Variants in SLC24A3 observed in about 807,000 individuals in gnomAD.
SLC24A3 encodes sodium/potassium/calcium exchanger 3.
Under a neutral mutation model 75.8 loss-of-function variants are expected in SLC24A3, and 28 were observed. The ratio of observed to expected loss-of-function variants is 0.37; its 90% CI spans 0.27 to 0.51. The LOEUF (loss-of-function observed/expected upper bound fraction) is 0.51. Ranked by LOEUF, SLC24A3 falls within the 20% of genes least tolerant of loss-of-function variation. The pLI is 0.94. For missense variants in SLC24A3, 663 were observed against 847.8 expected, an observed-to-expected ratio of 0.78 and a Z score of 2.71; for synonymous variants, 372 against 334.1, an observed-to-expected ratio of 1.11 and a Z score of -1.24.
chr20:19,612,422 G>T (rs1352106664), intron 6 of SLC24A3, among the ~76,000 whole-genome samples: 6 of 152,154 alleles, frequency 3.9e-5, no homozygotes, highest in Non-Finnish European at 7.3e-5. Context: ...TTTTTAATGT[G>T]CACAACACAA....
intron 2 of SLC24A3, among the ~76,000 whole-genome samples, chr20:19,398,822 T>C (rs974081577): frequency 9.2e-5 from 14 of 152,202 alleles, no homozygotes; most frequent in African/African-American, 3.1e-4. Context: ...TTCAGAATAA[T>C]TCTGTCTTCA....
intron 2 of SLC24A3, among the ~76,000 whole-genome samples, chr20:19,436,397 A>G (rs1054229551): frequency 2.6e-5 from 4 of 152,212 alleles, no homozygotes; most frequent in African/African-American, 7.2e-5. Flanking sequence ...GATGTGAGAA[A>G]GAACTCCTGC....
chr20:19,549,304 T>C (rs2030653933), intron 3 of SLC24A3, among the ~76,000 whole-genome samples: 1 of 152,210 alleles, frequency 6.6e-6, no homozygotes, highest in African/African-American at 2.4e-5. Flanking sequence ...CTACCATGAC[T>C]GAATTTTAGG....
chr20:19,237,662 T>C (rs1400907206), intron 1 of SLC24A3, among the ~76,000 whole-genome samples: 1 of 152,142 alleles, frequency 6.6e-6, no homozygotes, highest in African/African-American at 2.4e-5. Context: ...GCGTCGTCAT[T>C]GAATGGACAA....
intron 1 of SLC24A3, among the ~76,000 whole-genome samples, chr20:19,225,209 CT>C (rs1447878797): frequency 1.3e-5 from 2 of 152,046 alleles, no homozygotes; most frequent in African/African-American, 4.8e-5. Flanking sequence ...TTTCATCCTT[CT>C]TGTTGGAATT....
At chr20:19,602,023 A>G in intron 6 of SLC24A3, among the ~76,000 whole-genome samples, 1 of 152,110 alleles carries the variant, frequency 6.6e-6, no homozygotes, top group East Asian at 1.9e-4. Context: ...AAATACAAAA[A>G]TTAGCTGGGT....
intron 6 of SLC24A3, among the ~76,000 whole-genome samples, chr20:19,632,479 A>G (rs974628975): frequency 2.0e-5 from 3 of 151,218 alleles, no homozygotes; most frequent in Non-Finnish European, 4.4e-5. Flanking sequence ...CACCTCTCTC[A>G]CTCATCCCTC....
chr20:19,539,717 C>A (rs968684601), intron 3 of SLC24A3, among the ~76,000 whole-genome samples: 1 of 152,150 alleles, frequency 6.6e-6, no homozygotes, highest in Non-Finnish European at 1.5e-5. Context: ...AATCAAGTTT[C>A]ATGTGACACA....
intron 2 of SLC24A3, among the ~76,000 whole-genome samples, chr20:19,482,985 C>T (rs1173186062): frequency 6.6e-6 from 1 of 152,188 alleles, no homozygotes; most frequent in African/African-American, 2.4e-5. Flanking sequence ...GTGGTCTTTC[C>T]CTTTCAGCAC....
intron 13 of SLC24A3, among the ~76,000 whole-genome samples, chr20:19,696,015 CTT>C (rs778046824): frequency 9.3e-6 from 1 of 108,072 alleles, no homozygotes. Context: ...TTTTCCTTTT[CTT>C]TTTTTTTTTT....
chr20:19,695,350 C>T (rs909018033), intron 13 of SLC24A3: 55 of 152,168 alleles, frequency 3.6e-4, no homozygotes, highest in African/African-American at 1.3e-3. Context: ...CCAGTGGCAT[C>T]CTAAAATGAC....
At chr20:19,465,311 A>C (rs2122500042) in intron 2 of SLC24A3, among the ~76,000 whole-genome samples, 1 of 152,036 alleles carries the variant, frequency 6.6e-6, no homozygotes, top group East Asian at 1.9e-4. Flanking sequence ...TAGCCAAGGA[A>C]GTGGACACAG....
chr20:19,319,331 A>G (rs957320011), intron 2 of SLC24A3, among the ~76,000 whole-genome samples: 2 of 152,218 alleles, frequency 1.3e-5, no homozygotes, highest in Non-Finnish European at 2.9e-5. Flanking sequence ...ACTGCCTTAT[A>G]CATAAATCAG....
At chr20:19,618,838 T>G (rs2031770106) in intron 6 of SLC24A3, among the ~76,000 whole-genome samples, 1 of 152,224 alleles carries the variant, frequency 6.6e-6, no homozygotes, top group African/African-American at 2.4e-5. Context: ...CTTTCATGCT[T>G]ATGATCCATG....
intron 3 of SLC24A3, among the ~76,000 whole-genome samples, chr20:19,544,256 C>T (rs2030550644): frequency 6.6e-6 from 1 of 152,158 alleles, no homozygotes; most frequent in African/African-American, 2.4e-5. Context: ...ACAGGAGCAA[C>T]ACTACAGAAA....
At chr20:19,406,019 T>G (rs1337185251) in intron 2 of SLC24A3, among the ~76,000 whole-genome samples, 1 of 152,214 alleles carries the variant, frequency 6.6e-6, no homozygotes, top group Non-Finnish European at 1.5e-5. Context: ...TTTGAATTGC[T>G]TCATGGAACT....
chr20:19,445,750 G>C (rs947669845), intron 2 of SLC24A3, among the ~76,000 whole-genome samples: 1 of 152,180 alleles, frequency 6.6e-6, no homozygotes, highest in Admixed American at 6.5e-5. Flanking sequence ...AAGTGCCCTT[G>C]AGAGGGGAGG....
intron 2 of SLC24A3, among the ~76,000 whole-genome samples, chr20:19,430,448 A>G (rs1057041270): frequency 2.6e-5 from 4 of 152,090 alleles, no homozygotes; most frequent in African/African-American, 9.7e-5. Context: ...GAGGGAGGAA[A>G]AGGAGGGAAA....
intron 3 of SLC24A3, among the ~76,000 whole-genome samples, chr20:19,545,664 T>G (rs2030576406): frequency 6.6e-6 from 1 of 152,156 alleles, no homozygotes. Context: ...TGCCCCCCAC[T>G]GGAGCATATC....
Sources: allele counts gnomAD v4.1 joint callset (sites outside exome capture counted in the v4.1 genomes callset), GRCh38; gene constraint gnomAD v4.1.1; transcripts MANE v1.5; gene names NCBI Gene and HGNC (gene_info 2026-07-23, HGNC 2026-07-21).